The following TULP4 variants were observed in gnomAD, a reference collection of about 807,000 sequenced individuals.
TULP4 encodes the protein TUB like protein 4, also known as tubby-related protein 4.
Under a neutral mutation model 129.0 loss-of-function variants are expected in TULP4, and 16 were observed. That is an observed-to-expected ratio of 0.12 (90% confidence interval 0.08 to 0.19). The LOEUF (loss-of-function observed/expected upper bound fraction) is 0.19. Ranked by LOEUF, TULP4 falls within the 10% of genes least tolerant of loss-of-function variation. TULP4 has a pLI of 1.00. For synonymous variants in TULP4, 998 were observed against 854.0 expected (o/e 1.17, Z -2.94); for missense variants, 1,842 against 2,059.1 (o/e 0.89, Z 2.04).
At chr6:158,333,446 A>T (rs1779959793) in intron 1 of TULP4, among the ~76,000 whole-genome samples, 2 of 152,242 alleles carry the variant, frequency 1.3e-5, no homozygotes, top group Admixed American at 1.3e-4. Flanking sequence ...TCTAGCCTCC[A>T]GAACTGTGAG....
chr6:158,494,682 C>A (rs2128258261), intron 10 of TULP4, 71 bp from the exon 11 acceptor site: 1 of 1,379,444 alleles, frequency 7.2e-7, no homozygotes, highest in Non-Finnish European at 1.0e-6. Context: ...TATTAACATT[C>A]TTACTGAGTG....
intron 1 of TULP4, among the ~76,000 whole-genome samples, chr6:158,399,490 A>G (rs1451376217): frequency 6.6e-6 from 1 of 152,196 alleles, no homozygotes; most frequent in African/African-American, 2.4e-5. Flanking sequence ...CATTTTAACA[A>G]GCTCGCAGGT....
At chr6:158,314,485 G>A (rs972655696) in intron 1 of TULP4, among the ~76,000 whole-genome samples, 3 of 152,162 alleles carry the variant, frequency 2.0e-5, no homozygotes, top group African/African-American at 4.8e-5. Flanking sequence ...GTTGTCCCTG[G>A]CACCCCTGCT....
intron 1 of TULP4, among the ~76,000 whole-genome samples, chr6:158,346,236 C>T (rs747060722): frequency 6.6e-6 from 1 of 152,220 alleles, no homozygotes; most frequent in Non-Finnish European, 1.5e-5. Context: ...CGTACATCCT[C>T]AGCTTACGAA....
At chr6:158,284,946 T>C (rs1231016170) in intron 1 of TULP4, among the ~76,000 whole-genome samples, 2 of 152,198 alleles carry the variant, frequency 1.3e-5, no homozygotes, top group Non-Finnish European at 2.9e-5. Flanking sequence ...GCCTCAGATA[T>C]GTCTATTCTT....
rs1386081141 is a variant in TULP4, at chr6:158,413,903, C to T, written c.381+710C>T. ...AAGAACCTGAATCCTCAGGGGATGT[C>T]AATTAATAATTAATGAGGGGTTTCT... is the stretch of plus-strand genomic sequence containing the variant. On this transcript the variant is annotated intron_variant, in intron 2 of 13. Transcript: ENST00000367097. This position sits in a 1 kb window ranked among gnomAD's most constrained non-coding sequence, Gnocchi z 4.9. Among the ~76,000 whole-genome samples the T allele has an allele frequency of 6.6e-6, 1 of 152,188 alleles. No individual in the cohort carries two copies. Among genetic ancestry groups the T allele is most frequent in the Non-Finnish European group, 1.5e-5 (1 of 68,040 alleles).
chr6:158,504,110 C>G lies in TULP4; in HGVS notation c.4447C>G (p.Leu1483Val). 1 of 1,609,122 alleles carries G rather than the reference C, an allele frequency of 6.2e-7. No homozygotes were observed. The highest frequency in any genetic ancestry group is 8.5e-7 in the Non-Finnish European group (1 of 1,178,154). ...GAACGAGGCCACCCAGGTCTACCAG[C>G]TGGACTTCGGGGGGCGGGTGACCCA... Reference protein sequence around the residue: ...LWNEATQVYQLDFGGRVTQES... With the variant: ...LWNEATQVYQVDFGGRVTQES... Residue 1483 changes from leucine (L) to valine (V), a missense_variant, in exon 13 of 14, where the codon CTG (leucine) becomes GTG (valine). Transcript: ENST00000367097.
At chr6:158,414,520 TG>T (rs1423119601) in intron 2 of TULP4, among the ~76,000 whole-genome samples, 1 of 131,628 alleles carries the variant, frequency 7.6e-6, no homozygotes, top group Non-Finnish European at 1.8e-5. Context: ...TCTACCACCT[TG>T]TCTGGCATGG....
At chr6:158,281,214 A>ATT (rs56246802), upstream of TULP4, among the ~76,000 whole-genome samples, 36 of 143,986 alleles carry the variant, frequency 2.5e-4, no homozygotes, top group Admixed American at 5.5e-4. Flanking sequence ...TCCTGCCGTA[A>ATT]TTTTTTTTTT....
intron 1 of TULP4, among the ~76,000 whole-genome samples, chr6:158,333,846 C>T (rs1779971636): frequency 6.6e-6 from 1 of 151,868 alleles, no homozygotes; most frequent in South Asian, 2.1e-4. Flanking sequence ...AAAACTTACA[C>T]GCACAAACAG....
chr6:158,360,126 G>GA lies in TULP4; in HGVS notation c.252+45869dup, dbSNP rs566077497. Reference sequence around the variant, plus strand: ...AAAAAAAACCAAACAAACAAACAAGGAAAAAAAAAAAGTGAGGCTAGAGTA... The same window carrying GA: ...AAAAAAAACCAAACAAACAAACAAGGAAAAAAAAAAAAGTGAGGCTAGAGTA... On this transcript the variant is annotated intron_variant, in intron 1 of 13. Transcript: ENST00000367097. 2.1e-3 allele frequency among the ~76,000 whole-genome samples: 302 copies of GA among 144,804 alleles called. 2 individuals are homozygous for GA. The highest frequency in any genetic ancestry group is 7.0e-3 in the Middle Eastern group (2 of 284). The allele number at this position is 144,804 out of a possible 152,430, so 95.0% of individuals were successfully genotyped here.
intron 6 of TULP4, among the ~76,000 whole-genome samples, chr6:158,465,152 A>C (rs1034991048): frequency 1.4e-4 from 21 of 152,196 alleles, no homozygotes; most frequent in Non-Finnish European, 3.1e-4. Flanking sequence ...CCTTCCTGTC[A>C]CAGCCTGAAC....
intron 1 of TULP4, among the ~76,000 whole-genome samples, chr6:158,327,739 T>G (rs976238450): frequency 6.6e-6 from 1 of 152,014 alleles, no homozygotes; most frequent in Non-Finnish European, 1.5e-5. Flanking sequence ...TGTGTGAGTG[T>G]GTATAGGGGT....
At chr6:158,428,880 C>T (rs1432712335) in intron 2 of TULP4, among the ~76,000 whole-genome samples, 1 of 152,180 alleles carries the variant, frequency 6.6e-6, no homozygotes, top group Non-Finnish European at 1.5e-5. Context: ...ACAGTAATAC[C>T]TTCCGCAGAC....
intron 1 of TULP4, among the ~76,000 whole-genome samples, chr6:158,387,607 C>T (rs1017509600): frequency 1.3e-5 from 2 of 152,202 alleles, no homozygotes; most frequent in African/African-American, 2.4e-5. Flanking sequence ...TGCTGTAAAA[C>T]ATGACACTGC....
intron 8 of TULP4, chr6:158,481,664 A>G (rs1779948844): frequency 7.9e-6 from 2 of 254,116 alleles, no homozygotes; most frequent in African/African-American, 2.2e-5. Context: ...TACAGTCCCT[A>G]CCCTCCCAGA....
At chr6:158,473,602 T>C (rs1751229810) in intron 6 of TULP4, among the ~76,000 whole-genome samples, 1 of 152,200 alleles carries the variant, frequency 6.6e-6, no homozygotes, top group South Asian at 2.1e-4. Flanking sequence ...CACTGCAACC[T>C]CTGCCTCCCG....
intron 5 of TULP4, among the ~76,000 whole-genome samples, chr6:158,458,604 C>G (rs1259794536): frequency 2.6e-5 from 4 of 152,094 alleles, no homozygotes; most frequent in Non-Finnish European, 5.9e-5. Context: ...AAGTCTTGGG[C>G]AAAGATACTG....
chr6:158,447,619 T>C (rs1480136704), intron 3 of TULP4, among the ~76,000 whole-genome samples: 1 of 152,226 alleles, frequency 6.6e-6, no homozygotes, highest in Non-Finnish European at 1.5e-5. Flanking sequence ...AGTGCCTGCA[T>C]TGTACACAAA....
Sources: allele counts gnomAD v4.1 joint callset (sites outside exome capture counted in the v4.1 genomes callset), GRCh38; gene constraint gnomAD v4.1.1; non-coding constraint Gnocchi (gnomAD v3.1); transcripts MANE v1.5; gene names NCBI Gene and HGNC (gene_info 2026-07-23, HGNC 2026-07-21).